The following HHAT variants were observed in gnomAD, a reference collection of about 807,000 sequenced individuals.
HHAT encodes hedgehog acyltransferase.
HHAT carries 47 observed loss-of-function variants against 70.8 expected under a neutral mutation model. The ratio of observed to expected loss-of-function variants is 0.66; its 90% CI spans 0.53 to 0.85. HHAT has a LOEUF of 0.85. HHAT is among the 40% of genes least tolerant of loss of function. The probability of loss-of-function intolerance (pLI) is 0.00; values close to 1 mark genes in which losing one functional copy is unlikely to be tolerated. For missense variants in HHAT, 609 were observed against 604.8 expected (o/e 1.01, Z -0.07); for synonymous variants, 228 against 247.6 (o/e 0.92, Z 0.74).
At chr1:210,536,231 C>T (rs1421196757) in intron 9 of HHAT, among the ~76,000 whole-genome samples, 1 of 152,246 alleles carries the variant, frequency 6.6e-6, no homozygotes, top group African/African-American at 2.4e-5. Flanking sequence ...GAATTTAGCC[C>T]ATTCTAGCAC....
chr1:210,527,014 C>T (rs2095258307), intron 9 of HHAT, among the ~76,000 whole-genome samples: 1 of 152,028 alleles, frequency 6.6e-6, no homozygotes, highest in African/African-American at 2.4e-5. Context: ...CTCGGAATTT[C>T]CTGAGTGATC....
Position 210,622,536 on chromosome 1 carries a change from A to C in HHAT, c.1246-990A>C, listed in dbSNP as rs1026661623. Among the ~76,000 whole-genome samples, 7 of 152,298 alleles carry C rather than the reference A, an allele frequency of 4.6e-5. No individual in the cohort carries two copies. In the East Asian group the frequency reaches 1.4e-3, roughly 29 times the overall value. ...TTTATGAAATCCCTGGGAAAATCTT[A>C]AAAGGAGAAGTGCAATAAAGAGCTA... On this transcript the variant is annotated intron_variant, in intron 10 of 11. Transcript: ENST00000261458.
intron 9 of HHAT, among the ~76,000 whole-genome samples, chr1:210,523,618 G>A (rs756487225): frequency 2.1e-5 from 3 of 146,054 alleles, no homozygotes; most frequent in East Asian, 1.9e-4. Context: ...GTGTGTGCGC[G>A]CGCACACGTG....
chr1:210,422,632 A>G (rs1384474459), intron 7 of HHAT, among the ~76,000 whole-genome samples: 4 of 151,568 alleles, frequency 2.6e-5, no homozygotes, highest in Non-Finnish European at 1.5e-5. Flanking sequence ...AAAATACCAC[A>G]TTTTCTTTTT....
Position 210,441,437 on chromosome 1 carries a change from A to G in HHAT, c.857-23068A>G, listed in dbSNP as rs568272553. On this transcript the variant is annotated intron_variant, in intron 7 of 11. Coordinates refer to ENST00000261458, the MANE Select transcript of HHAT (RefSeq NM_018194.6). ...AAAAGAGACCTTGCTCGCTTTTCCA[A>G]TCAATCTTTCTCTGCACCCTCTGGC... Among the ~76,000 whole-genome samples, 11 of 152,300 alleles carry G rather than the reference A, an allele frequency of 7.2e-5. No homozygotes were observed. In the South Asian group the frequency reaches 1.0e-3, roughly 14 times the overall value.
intron 10 of HHAT, among the ~76,000 whole-genome samples, chr1:210,595,589 A>C (rs1359621048): frequency 2.0e-5 from 3 of 152,192 alleles, no homozygotes; most frequent in Non-Finnish European, 4.4e-5. Flanking sequence ...CCATCAGTGT[A>C]AAAGTGTTCC....
intron 11 of HHAT, among the ~76,000 whole-genome samples, chr1:210,671,572 A>C (rs1374332809): frequency 6.6e-6 from 1 of 152,186 alleles, no homozygotes; most frequent in Admixed American, 6.5e-5. Flanking sequence ...TAGCCTTTAA[A>C]TCCAATGATT....
intron 1 of HHAT, among the ~76,000 whole-genome samples, chr1:210,331,503 C>T (rs898187556): frequency 2.0e-5 from 3 of 152,206 alleles, no homozygotes; most frequent in Non-Finnish European, 4.4e-5. Context: ...CTATCTCAAA[C>T]AGTTGGTCCT....
chr1:210,488,698 G>C (rs1400257711), intron 8 of HHAT, among the ~76,000 whole-genome samples: 1 of 151,832 alleles, frequency 6.6e-6, no homozygotes, highest in Non-Finnish European at 1.5e-5. Flanking sequence ...TTTGAGACCA[G>C]CCTGGGCAAT....
intron 7 of HHAT, among the ~76,000 whole-genome samples, chr1:210,433,068 T>G (rs1295160124): frequency 6.6e-6 from 1 of 151,790 alleles, no homozygotes; most frequent in Non-Finnish European, 1.5e-5. Context: ...AGATGTCTCT[T>G]TGTCTTACAT....
At chr1:210,557,140 C>G (rs1425228292) in intron 9 of HHAT, among the ~76,000 whole-genome samples, 2 of 152,148 alleles carry the variant, frequency 1.3e-5, no homozygotes, top group African/African-American at 4.8e-5. Context: ...AGGAGGGAGA[C>G]AGAATGTGGC....
chr1:210,440,987 G>A (rs2093493531), intron 7 of HHAT, among the ~76,000 whole-genome samples: 1 of 152,224 alleles, frequency 6.6e-6, no homozygotes, highest in Admixed American at 6.5e-5. Context: ...TCTGAACTCA[G>A]AGGACTGAAT....
rs544366621 is a variant in HHAT, at chr1:210,471,930, C to T, written c.1007+7275C>T. Among the ~76,000 whole-genome samples, 13 of 152,274 alleles carry T rather than the reference C, an allele frequency of 8.5e-5. No homozygotes were observed. The East Asian group carries it at 2.5e-3, about 29-fold the overall frequency. ...ATATGACAGATCTCTTGAATTTACT[C>T]CTTCTAACTGAAATTTTGTATCCTA... is the stretch of plus-strand genomic sequence containing the variant. On this transcript the variant is annotated intron_variant, in intron 8 of 11. Coordinates refer to ENST00000261458, the MANE Select transcript of HHAT (RefSeq NM_018194.6).
At chr1:210,362,510 C>T (rs1455072517) in intron 2 of HHAT, among the ~76,000 whole-genome samples, 2 of 152,234 alleles carry the variant, frequency 1.3e-5, no homozygotes, top group Non-Finnish European at 2.9e-5. Context: ...CAGGCGTGAG[C>T]CACCATGCCC....
intron 11 of HHAT, among the ~76,000 whole-genome samples, chr1:210,662,233 G>T (rs1205294898): frequency 6.6e-6 from 1 of 152,140 alleles, no homozygotes; most frequent in Non-Finnish European, 1.5e-5. Context: ...GCCTTCGGTG[G>T]CACCTTCACA....
At chr1:210,670,779 C>G (rs1679922268) in intron 11 of HHAT, among the ~76,000 whole-genome samples, 1 of 152,164 alleles carries the variant, frequency 6.6e-6, no homozygotes, top group African/African-American at 2.4e-5. Flanking sequence ...CTATATTAAT[C>G]TTTTGTATTT....
chr1:210,525,270 G>A (rs1462899543), intron 9 of HHAT, among the ~76,000 whole-genome samples: 1 of 152,062 alleles, frequency 6.6e-6, no homozygotes, highest in Non-Finnish European at 1.5e-5. Flanking sequence ...ATTCTCTGGG[G>A]CTGCCAGTGA....
intron 9 of HHAT, among the ~76,000 whole-genome samples, chr1:210,567,223 T>C (rs1295853834): frequency 6.6e-6 from 1 of 152,238 alleles, no homozygotes; most frequent in Non-Finnish European, 1.5e-5. Context: ...CCTCCACCAT[T>C]AGCTGTGTAG....
intron 1 of HHAT, among the ~76,000 whole-genome samples, chr1:210,343,791 T>C (rs2086251325): frequency 6.6e-6 from 1 of 152,158 alleles, no homozygotes; most frequent in Non-Finnish European, 1.5e-5. Flanking sequence ...GAGGTCCAGA[T>C]GCACGTAGGA....
Sources: allele counts gnomAD v4.1 joint callset (sites outside exome capture counted in the v4.1 genomes callset), GRCh38; gene constraint gnomAD v4.1.1; transcripts MANE v1.5; gene names NCBI Gene and HGNC (gene_info 2026-07-23, HGNC 2026-07-21).